MTX1: variants seen among roughly 807,000 people sequenced by gnomAD.
MTX1 encodes the protein metaxin 1.
A neutral mutation model predicts 39.4 loss-of-function variants in MTX1; 20 were observed. That is an observed-to-expected ratio of 0.51 (90% confidence interval 0.36 to 0.74). The LOEUF is 0.74. Among genes scored for constraint, MTX1 ranks in the 30% least tolerant of loss-of-function variants. The probability of loss-of-function intolerance (pLI) is 0.00; values close to 1 mark genes in which losing one functional copy is unlikely to be tolerated. For synonymous variants in MTX1, 209 were observed against 198.6 expected (o/e 1.05, Z -0.44); for missense variants, 481 against 485.9 (o/e 0.99, Z 0.10).
At chr1:155,210,065 G>C (rs187941512) in intron 1 of MTX1, among the ~76,000 whole-genome samples, 2 of 152,362 alleles carry the variant, frequency 1.3e-5, no homozygotes, top group East Asian at 3.9e-4. Context: ...GTTAGGAAAA[G>C]CTTCTGAGGA....
At position 155,212,417 on chromosome 1, in the gene MTX1, C is replaced by A. The variant is rs148055827; in HGVS notation, c.804C>A (p.Tyr268Ter). The A allele has an allele frequency of 6.2e-7, 1 of 1,614,214 alleles. No individual in the cohort carries two copies. Among genetic ancestry groups the A allele is most frequent in the Non-Finnish European group, 8.5e-7 (1 of 1,180,044 alleles). ...CTTTTTGGATAGACACCAAGAACTA[C>A]GTGGAAGTGACCCGGAAGTGGTATG... ...VHTFWIDTKN[Y>*]VEVTRKWYAE... The change falls in exon 5 of 8, where the codon TAC becomes TAA. Residue 268 changes from tyrosine to a stop codon, truncating the protein, a stop_gained. Transcript: ENST00000368376. LOFTEE classifies it high-confidence loss of function.
chr1:155,210,762 G>A (rs1159528127), intron 3 of MTX1, 135 bp downstream of exon 3: 15 of 796,810 alleles, frequency 1.9e-5, no homozygotes, highest in Non-Finnish European at 3.0e-5. Flanking sequence ...ACAGTCTTGT[G>A]GCAGAGACAC....
At chr1:155,210,319 C>T in intron 1 of MTX1, 27 bp from the exon 2 acceptor site, 10 of 1,607,090 alleles carry the variant, frequency 6.2e-6, no homozygotes, top group Non-Finnish European at 8.5e-6. Context: ...GGCTCTGCCT[C>T]TCTGACTTCT....
Position 155,212,790 on chromosome 1 carries a change from G to A in MTX1, c.1031+20G>A, listed in dbSNP as rs773456933. ...AGATGCGTGAGTCTGACTCCAAGAG[G>A]GTAATGGGTGGCTTGGAAGAAGATA... On this transcript the variant is annotated intron_variant, in intron 6 of 7. Coordinates refer to ENST00000368376, the MANE Select transcript of MTX1 (RefSeq NM_002455.5). 1 of 1,548,000 alleles carries A rather than the reference G, an allele frequency of 6.5e-7. No homozygotes were observed. The highest frequency in any genetic ancestry group is 1.4e-5 in the African/African-American group (1 of 72,738).
intron 1 of MTX1, 42 bp downstream of exon 1, chr1:155,209,374 T>G: frequency 7.3e-7 from 1 of 1,370,572 alleles, no homozygotes. Context: ...CCCTGATGAC[T>G]GGGGAGGGGG....
chr1:155,210,297 T>G (rs1478758160), intron 1 of MTX1, 49 bp from the exon 2 acceptor site: 26 of 1,490,754 alleles, frequency 1.7e-5, no homozygotes, highest in Non-Finnish European at 2.3e-5. Flanking sequence ...TTGATACCAC[T>G]GTGGGGGACA....
Position 155,209,169 on chromosome 1 carries a change from G to C in MTX1, c.365G>C (p.Gly122Ala). The change falls in exon 1 of 8, where the codon GGA becomes GCA. Residue 122 changes from glycine to alanine, a missense_variant. By Grantham distance (60) the Gly-to-Ala change is moderately conservative (BLOSUM62 0). Around this residue, in one of 2 missense-constraint regions of MTX1, gnomAD observed 368 missense variants for 332.8 expected, o/e 1.11. Coordinates refer to ENST00000368376, the MANE Select transcript of MTX1 (RefSeq NM_002455.5). ...CCAGGCCCCCTGACCGCAACGATCG[G>C]AGGGGCGGTGGCGGGGGGCGGGCCC... ...ISPGPLTATI[G>A]GAVAGGGPRQ... 1.3e-6 allele frequency: 2 copies of C among 1,493,338 alleles called. No homozygotes were observed. The highest frequency in any genetic ancestry group is 2.1e-4 in the Middle Eastern group (1 of 4,860). 92.5% of individuals were successfully genotyped at this position (1,493,338 alleles called of 1,614,324 possible). A position where few individuals can be genotyped will look rare whatever the true frequency, so the allele number is the denominator to read the frequency against.
In MTX1 at chr1:155,209,065, C is replaced by A; in HGVS notation, c.261C>A (p.Ser87=). 6.5e-7 allele frequency: 1 copy of A among 1,538,536 alleles called. No individual in the cohort carries two copies. The change falls in exon 1 of 8, where the codon TCC becomes TCA. Residue 87 remains serine, a synonymous_variant. Coordinates refer to ENST00000368376, the MANE Select transcript of MTX1 (RefSeq NM_002455.5). ...TCTGGATGGGCCGGCGGCCGCCCTC[C>A]CCCGAGGCCCGCGGCCCAGTCCCCC... is the stretch of plus-strand genomic sequence containing the variant. ...GHLWMGRRPP[S]PEARGPVPRS...
chr1:155,212,887 G>A, intron 6 of MTX1, 117 bp downstream of exon 6: 1 of 1,516,940 alleles, frequency 6.6e-7, no homozygotes, highest in African/African-American at 1.4e-5. Context: ...GGAGGTCCCT[G>A]GGATAGAAAC....
chr1:155,210,842 G>C, intron 3 of MTX1: 1 of 584,482 alleles, frequency 1.7e-6, no homozygotes, highest in South Asian at 2.0e-5. Context: ...GAGGCAGGGA[G>C]GGAGAGGAGC....
At chr1:155,211,789 G>A (rs1315412216) in intron 3 of MTX1, 4 of 192,956 alleles carry the variant, frequency 2.1e-5, no homozygotes, top group South Asian at 1.1e-4. Flanking sequence ...TGTCTGGGTC[G>A]GGGAAGTTAC....
At chr1:155,210,244 A>G in intron 1 of MTX1, 102 bp from the exon 2 acceptor site, 1 of 1,006,464 alleles carries the variant, frequency 9.9e-7, no homozygotes, top group Non-Finnish European at 1.5e-6. Context: ...TACTAAGTAT[A>G]GGGAATGGCA....
At position 155,212,430 on chromosome 1, in the gene MTX1, C is replaced by T. The variant is rs372693149; in HGVS notation, c.817C>T (p.Arg273Trp). ...CACCAAGAACTACGTGGAAGTGACC[C>T]GGAAGTGGTATGCAGAGGCTATGCC... is the stretch of plus-strand genomic sequence containing the variant. ...IDTKNYVEVT[R>W]KWYAEAMPFP... Residue 273 changes from arginine to tryptophan, a missense_variant, in exon 5 of 8, where the codon CGG (arginine) becomes TGG (tryptophan). Physicochemically the swap from Arg to Trp is moderately radical, Grantham distance 101. Around this residue, in one of 2 missense-constraint regions of MTX1, gnomAD observed 113 missense variants for 153.2 expected, o/e 0.74. Coordinates refer to ENST00000368376, the MANE Select transcript of MTX1 (RefSeq NM_002455.5). 2.8e-5 allele frequency: 46 copies of T among 1,614,090 alleles called. No individual in the cohort carries two copies. Among genetic ancestry groups the T allele is most frequent in the Middle Eastern group, 1.6e-4 (1 of 6,084 alleles).
rs774455721 is a variant in MTX1 at position 155,210,582 on chromosome 1, G to A, written c.633G>A (p.Glu211=). The A allele has an allele frequency of 1.9e-6, 3 of 1,614,166 alleles. No individual in the cohort carries two copies. The highest frequency in any genetic ancestry group is 1.1e-5 in the South Asian group (1 of 91,086). The change falls in exon 3 of 8, where the codon GAG becomes GAA. Residue 211 remains glutamate (E), a synonymous_variant. Transcript: ENST00000368376. ...TLPALRTSHG[E]VISVPHKIIT... is the part of the protein sequence containing the mutation. ...CTGCCCTTCGGACCAGTCATGGAGA[G>A]GTCATCTCAGTTCCACACAAGATCA...
At chr1:155,210,222 TCGAG>T in intron 1 of MTX1, 120 bp from the exon 2 acceptor site, 1 of 833,570 alleles carries the variant, frequency 1.2e-6, no homozygotes, top group Non-Finnish European at 2.0e-6. Context: ...CCCTTTTTTT[TCGAG>T]ACTAAGATAC....
intron 4 of MTX1, 65 bp downstream of exon 4, chr1:155,212,284 CA>C (rs1671156061): frequency 2.6e-5 from 41 of 1,594,534 alleles, no homozygotes; most frequent in Non-Finnish European, 3.5e-5. Flanking sequence ...CACACAGACC[CA>C]CACACAGGCT....
chr1:155,209,600 C>T (rs2081204658), intron 1 of MTX1, among the ~76,000 whole-genome samples: 1 of 152,212 alleles, frequency 6.6e-6, no homozygotes, highest in Non-Finnish European at 1.5e-5. Flanking sequence ...TGTGACCTTG[C>T]GGAGATCCTT....
In MTX1 at chr1:155,208,879, C is replaced by T. The variant is rs1394744077; in HGVS notation, c.75C>T (p.His25=). 6.2e-7 allele frequency: 1 copy of T among 1,611,706 alleles called. No individual in the cohort carries two copies. The highest frequency in any genetic ancestry group is 8.5e-7 in the Non-Finnish European group (1 of 1,179,614). The change falls in exon 1 of 8, where the codon CAC becomes CAT. Residue 25 remains histidine, a synonymous_variant. Coordinates refer to ENST00000368376, the MANE Select transcript of MTX1 (RefSeq NM_002455.5). ...AGGGGCCCTGGAGCAGTACAGGCCA[C>T]GTGCAGTTTGGCAAGAGCCCCCAGA... The part of the protein sequence containing the change: ...SPKGPWSSTG[H]VQFGKSPQTW...
chr1:155,210,212 C>A, intron 1 of MTX1, 134 bp from the exon 2 acceptor site: 2 of 750,422 alleles, frequency 2.7e-6, no homozygotes, highest in Middle Eastern at 3.7e-4. Flanking sequence ...TAGTGACTCC[C>A]CCTTTTTTTT....
Sources: gnomAD v4.1 joint callset for allele counts (sites outside exome capture counted in the v4.1 genomes callset) on GRCh38, gnomAD v4.1.1 for gene constraint, gnomAD v4.1.1 regional missense constraint, MANE v1.5 for transcripts, NCBI Gene and HGNC (gene_info 2026-07-23, HGNC 2026-07-21) for gene names.